The following PARD3B variants were observed in gnomAD, a reference collection of about 807,000 sequenced individuals.
The protein encoded by PARD3B is par-3 family cell polarity regulator beta, also known as partitioning defective 3 homolog B.
A neutral mutation model predicts 130.2 loss-of-function variants in PARD3B; 103 were observed. That is an observed-to-expected ratio of 0.79 (90% CI 0.67 to 0.93). PARD3B has a LOEUF of 0.93. Among genes scored for constraint, PARD3B ranks in the 40% least tolerant of loss-of-function variants. The pLI, the probability that PARD3B is intolerant of heterozygous loss-of-function variation, is 0.00. For missense variants in PARD3B, 1,609 were observed against 1,499.2 expected (o/e 1.07, Z -1.21); for synonymous variants, 583 against 553.2 (o/e 1.05, Z -0.76).
At chr2:205,605,403 G>GT (rs1315102326) in intron 22 of PARD3B, among the ~76,000 whole-genome samples, 4 of 152,160 alleles carry the variant, frequency 2.6e-5, no homozygotes, top group Non-Finnish European at 4.4e-5. Context: ...TTTTTATGGG[G>GT]TTTTTTGTTG....
chr2:205,273,424 GT>G (rs1464609727), intron 16 of PARD3B, among the ~76,000 whole-genome samples: 1 of 152,174 alleles, frequency 6.6e-6, no homozygotes, highest in Non-Finnish European at 1.5e-5. Context: ...GCACGTGTGA[GT>G]TTTTTCTTTA....
chr2:204,899,234 T>TTCCCTCCC (rs1318127056), intron 2 of PARD3B, among the ~76,000 whole-genome samples: 5 of 98,748 alleles, frequency 5.1e-5, no homozygotes, highest in African/African-American at 8.8e-5. Flanking sequence ...CCTCCTCTCC[T>TTCCCTCCC]TCCCTCCCTC....
chr2:205,067,073 T>C (rs1302678806), intron 4 of PARD3B, among the ~76,000 whole-genome samples: 2 of 146,396 alleles, frequency 1.4e-5, no homozygotes, highest in African/African-American at 5.0e-5. Flanking sequence ...TTTCTTTGCA[T>C]CTTGCATCCA....
At chr2:205,428,877 C>T (rs1478723945) in intron 19 of PARD3B, among the ~76,000 whole-genome samples, 1 of 152,048 alleles carries the variant, frequency 6.6e-6, no homozygotes, top group Non-Finnish European at 1.5e-5. Context: ...AGTGAGCACG[C>T]CTAGGGCCCA....
At chr2:205,151,555 G>A (rs2033759289) in intron 10 of PARD3B, among the ~76,000 whole-genome samples, 1 of 152,168 alleles carries the variant, frequency 6.6e-6, no homozygotes, top group Non-Finnish European at 1.5e-5. Flanking sequence ...TTGGTTTAAA[G>A]TCTGTTTTAT....
chr2:205,426,247 T>C (rs2047142063), intron 19 of PARD3B, among the ~76,000 whole-genome samples: 1 of 152,100 alleles, frequency 6.6e-6, no homozygotes, highest in Non-Finnish European at 1.5e-5. Context: ...TTCAGTATAA[T>C]AATTTTAATA....
chr2:204,779,231 A>G (rs778292159), intron 2 of PARD3B, among the ~76,000 whole-genome samples: 1 of 151,928 alleles, frequency 6.6e-6, no homozygotes, highest in African/African-American at 2.4e-5. Context: ...TACCTTCTCT[A>G]TATAATTATT....
At chr2:205,588,279 A>T (rs2054267434) in intron 22 of PARD3B, among the ~76,000 whole-genome samples, 1 of 152,208 alleles carries the variant, frequency 6.6e-6, no homozygotes. Flanking sequence ...TTCCTCTAAC[A>T]TAAATGCATA....
intron 2 of PARD3B, among the ~76,000 whole-genome samples, chr2:204,804,567 G>A (rs2042696242): frequency 6.6e-6 from 1 of 152,138 alleles, no homozygotes; most frequent in African/African-American, 2.4e-5. Context: ...TCTGCTTCTA[G>A]CATTGGACAG....
intron 18 of PARD3B, among the ~76,000 whole-genome samples, chr2:205,400,157 T>C (rs948880325): frequency 3.2e-4 from 48 of 152,324 alleles, no homozygotes; most frequent in African/African-American, 1.0e-3. Context: ...ATTTATATAT[T>C]AATGATAATT....
rs1382521184 is a variant in PARD3B at position 204,943,250 on chromosome 2, T to C, written c.223-21902T>C. Among the ~76,000 whole-genome samples, 1 of 152,018 alleles carries C rather than the reference T, an allele frequency of 6.6e-6. No homozygotes were observed. The highest frequency in any genetic ancestry group is 1.5e-5 in the Non-Finnish European group (1 of 68,002). On this transcript the variant is annotated intron_variant, in intron 2 of 22. Coordinates refer to ENST00000406610, the MANE Select transcript of PARD3B (RefSeq NM_001302769.2). The surrounding 1 kb of genome is among the most constrained non-coding windows in gnomAD (Gnocchi z 4.2). ...AGATCCAAACAGTTTCTCTCTGCTTTTCTCAAACCTAATTATTTTCTCTCC... is the reference window on the plus strand; with the variant it reads ...AGATCCAAACAGTTTCTCTCTGCTTCTCTCAAACCTAATTATTTTCTCTCC...
rs779110151 is a variant in PARD3B at position 205,528,496 on chromosome 2, CT to C, written c.3181-24814del. ...CTCTTCGTGTCAGACATGACACAAT[CT>C]TTTTTTTTTTTTTGAAACAGAGTCT... is the stretch of plus-strand genomic sequence containing the variant. On this transcript the variant is annotated intron_variant, in intron 21 of 22. Transcript: ENST00000406610. Among the ~76,000 whole-genome samples the C allele has an allele frequency of 3.4e-3, 494 of 144,524 alleles. 1 individual carries two copies. The highest frequency in any genetic ancestry group is 0.024 in the East Asian group (120 of 4,990). The allele number at this position is 144,524 out of a possible 152,430, so 94.8% of individuals were successfully genotyped here.
At chr2:204,584,363 C>G (rs949359716) in intron 1 of PARD3B, among the ~76,000 whole-genome samples, 1 of 151,956 alleles carries the variant, frequency 6.6e-6, no homozygotes, top group Non-Finnish European at 1.5e-5. Flanking sequence ...GTATATATTG[C>G]TTATATAAGT....
At chr2:204,780,271 A>T (rs948814887) in intron 2 of PARD3B, among the ~76,000 whole-genome samples, 15 of 152,230 alleles carry the variant, frequency 9.9e-5, no homozygotes, top group Non-Finnish European at 1.3e-4. Flanking sequence ...GAGAGAGTGT[A>T]TGTGTTTCAG....
At chr2:204,854,231 G>T (rs1037213729) in intron 2 of PARD3B, among the ~76,000 whole-genome samples, 3 of 152,162 alleles carry the variant, frequency 2.0e-5, no homozygotes, top group South Asian at 2.1e-4. Flanking sequence ...ATAAAGATGT[G>T]AGGAGCCAAC....
chr2:205,094,913 C>T (rs1347028315), intron 4 of PARD3B, among the ~76,000 whole-genome samples: 2 of 152,050 alleles, frequency 1.3e-5, no homozygotes, highest in African/African-American at 4.8e-5. Context: ...TCCCAACTTC[C>T]TTAAGTTTTT....
At chr2:204,862,277 C>G (rs2125630206) in intron 2 of PARD3B, among the ~76,000 whole-genome samples, 1 of 152,288 alleles carries the variant, frequency 6.6e-6, no homozygotes, top group East Asian at 1.9e-4. Context: ...CTCACTGTGA[C>G]TTCGTCTTAT....
chr2:204,557,063 C>G (rs1316299270), intron 1 of PARD3B, among the ~76,000 whole-genome samples: 2 of 151,088 alleles, frequency 1.3e-5, no homozygotes, highest in Admixed American at 1.3e-4. Context: ...TCTTAAACAT[C>G]TGTCTTCTTT....
intron 21 of PARD3B, among the ~76,000 whole-genome samples, chr2:205,514,471 C>T (rs2050710286): frequency 6.6e-6 from 1 of 152,050 alleles, no homozygotes; most frequent in Non-Finnish European, 1.5e-5. Context: ...TGCTATTTCA[C>T]ATTAGGAACT....
Sources: gnomAD v4.1 joint callset for allele counts (sites outside exome capture counted in the v4.1 genomes callset) on GRCh38, gnomAD v4.1.1 for gene constraint, Gnocchi (gnomAD v3.1) non-coding constraint, MANE v1.5 for transcripts, NCBI Gene and HGNC (gene_info 2026-07-23, HGNC 2026-07-21) for gene names.